The following RDH13 variants were observed in gnomAD, a reference collection of about 807,000 sequenced individuals.
The protein encoded by RDH13 is retinol dehydrogenase 13 (all-trans and 9-cis).
In RDH13, 35 loss-of-function variants were observed where a neutral mutation model predicts 28.3. The observed-to-expected ratio is 1.24, with a 90% CI of 0.95 to 1.64. The LOEUF is 1.64. Ranked by LOEUF, RDH13 falls within the 40% of genes most tolerant of loss-of-function variation. The probability of loss-of-function intolerance (pLI) is 0.00; values close to 1 mark genes in which losing one functional copy is unlikely to be tolerated. For missense variants in RDH13, 514 were observed against 446.3 expected (o/e 1.15, Z -1.37); for synonymous variants, 229 against 198.5 (o/e 1.15, Z -1.29).
intron 2 of RDH13, among the ~76,000 whole-genome samples, chr19:55,057,118 A>G (rs1317263177): frequency 6.6e-6 from 1 of 152,188 alleles, no homozygotes; most frequent in Non-Finnish European, 1.5e-5. Context: ...GAAAGACCAC[A>G]CAGCGTACAA....
chr19:55,054,570 A>G (rs2075568597), intron 3 of RDH13, among the ~76,000 whole-genome samples: 1 of 152,016 alleles, frequency 6.6e-6, no homozygotes, highest in South Asian at 2.1e-4. Context: ...TGGGTGACAG[A>G]GCAAGACTCC....
chr19:55,045,974 G>A (rs920817704), intron 6 of RDH13, among the ~76,000 whole-genome samples: 31 of 141,800 alleles, frequency 2.2e-4, no homozygotes, highest in African/African-American at 7.1e-4. Context: ...AGGGCTGGGC[G>A]TGGTGACTCA....
At chr19:55,044,280 C>T (rs2075124028), downstream of RDH13, 1 of 152,096 alleles carries the variant, frequency 6.6e-6, no homozygotes, top group Non-Finnish European at 1.5e-5. Flanking sequence ...GGGCATTCAC[C>T]CATGCACAGA....
In RDH13 at chr19:55,059,205, C is replaced by T. The variant is rs772801401; in HGVS notation, c.136G>A (p.Ala46Thr). 1.1e-5 allele frequency: 17 copies of T among 1,604,366 alleles called. No individual in the cohort carries two copies. The East Asian group carries it at 1.8e-4, about 17-fold the overall frequency. The change falls in exon 2 of 7, where the codon GCC becomes ACC. Residue 46 changes from alanine to threonine, a missense_variant. Physicochemically the swap from Ala to Thr is moderately conservative, Grantham distance 58. Transcript: ENST00000415061. ...IPGKTVIVTGANTGIGKQTAL... is the reference protein window; with the variant it reads ...IPGKTVIVTGTNTGIGKQTAL... ...GTCTGCTTCCCGATGCCTGTGTTGG[C>T]ACCCGTCACGATGACCGTCTTCCCA...
intron 1 of RDH13, among the ~76,000 whole-genome samples, chr19:55,068,222 TC>T (rs1317338368): frequency 3.9e-5 from 6 of 152,036 alleles, no homozygotes; most frequent in Non-Finnish European, 1.5e-5. Context: ...TTGAGAGACC[TC>T]AGCAGTGTAA....
intron 3 of RDH13, among the ~76,000 whole-genome samples, chr19:55,051,990 C>G (rs2075455830): frequency 6.6e-6 from 1 of 151,880 alleles, no homozygotes; most frequent in Non-Finnish European, 1.5e-5. Context: ...CCTCGGCCTC[C>G]CAAAGTGCTG....
At chr19:55,049,301 G>A (rs367692262) in intron 3 of RDH13, among the ~76,000 whole-genome samples, 1 of 152,266 alleles carries the variant, frequency 6.6e-6, no homozygotes, top group African/African-American at 2.4e-5. Flanking sequence ...GGTTACCGGT[G>A]GGAGCCCCGG....
chr19:55,045,017 C>A lies in RDH13; in HGVS notation c.*57G>T. 1.5e-6 allele frequency: 2 copies of A among 1,316,052 alleles called. No homozygotes were observed. The highest frequency in any genetic ancestry group is 2.3e-5 in the East Asian group (1 of 42,974). The allele number at this position is 1,316,052 out of a possible 1,614,324, so 81.5% of individuals were successfully genotyped here. On this transcript the variant is annotated 3_prime_UTR_variant, in exon 7 of 7. Transcript: ENST00000415061. ...TAGTGCCAGGAAGCTGCGGGCATGG[C>A]GGACAGCTGTCCTCGGTCTGGAGGC...
intron 5 of RDH13, chr19:55,047,908 G>A (rs780654429): frequency 1.1e-5 from 6 of 542,840 alleles, no homozygotes; most frequent in South Asian, 6.1e-5. Context: ...GGGCCATCCC[G>A]TGCGCTGTAG....
chr19:55,039,197 G>A (rs2146944443), exon 3 of RDH13: 1 of 152,288 alleles, frequency 6.6e-6, no homozygotes, highest in East Asian at 1.9e-4. Flanking sequence ...AACAACATGT[G>A]GTATATACAC....
rs775090598 is a variant in RDH13 at position 55,048,767 on chromosome 19, G to A, written c.341-4C>T. The A allele has an allele frequency of 1.9e-6, 3 of 1,612,828 alleles. No homozygotes were observed. Among genetic ancestry groups the A allele is most frequent in the Admixed American group, 3.3e-5 (2 of 59,968 alleles). On this transcript the variant is annotated splice_polypyrimidine_tract_variant and splice_region_variant and intron_variant, in intron 3 of 6. Coordinates refer to ENST00000415061, the MANE Select transcript of RDH13 (RefSeq NM_001145971.2). ...AGAATGTCCACTCGCTCCTCCTCTG[G>A]AAGAGAGGGGTGGAGGAGGAGACAT...
Position 55,045,040 on chromosome 19 carries a change from G to GGTA in RDH13, c.*33_*34insTAC. The GGTA allele has an allele frequency of 6.8e-7, 1 of 1,480,898 alleles. No homozygotes were observed. Among genetic ancestry groups the GGTA allele is most frequent in the Non-Finnish European group, 9.2e-7 (1 of 1,085,678 alleles). The allele number at this position is 1,480,898 out of a possible 1,614,324, so 91.7% of individuals were successfully genotyped here. On this transcript the variant is annotated 3_prime_UTR_variant, in exon 7 of 7. Coordinates refer to ENST00000415061, the MANE Select transcript of RDH13 (RefSeq NM_001145971.2). ...GGCGGACAGCTGTCCTCGGTCTGGA[G>GGTA]GCGCCATCCTGGCTTTCAAATCTGC...
chr19:55,057,327 A>G lies in RDH13; in HGVS notation c.185-519T>C, dbSNP rs191342879. The stretch of plus-strand genomic sequence containing the variant: ...TAAGATTGATTTTAAAGATGGTTGC[A>G]TCATTCTGTGACTATACTAAACATC... On this transcript the variant is annotated intron_variant, in intron 2 of 6. Coordinates refer to ENST00000415061, the MANE Select transcript of RDH13 (RefSeq NM_001145971.2). Among the ~76,000 whole-genome samples the G allele has an allele frequency of 9.2e-5, 14 of 152,258 alleles. No homozygotes were observed. In the East Asian group the frequency reaches 1.9e-3, roughly 21 times the overall value.
At chr19:55,061,768 G>A (rs2075813551) in intron 1 of RDH13, among the ~76,000 whole-genome samples, 1 of 150,420 alleles carries the variant, frequency 6.6e-6, no homozygotes, top group South Asian at 2.1e-4. Flanking sequence ...ACTCCAGCCT[G>A]GGTGACAGAG....
At chr19:55,049,180 C>T (rs565254645) in intron 3 of RDH13, among the ~76,000 whole-genome samples, 7 of 152,282 alleles carry the variant, frequency 4.6e-5, no homozygotes, top group African/African-American at 1.7e-4. Context: ...GTGTAAGCCA[C>T]TGGGTTTGCA....
chr19:55,052,454 G>T (rs1338974199), intron 3 of RDH13, among the ~76,000 whole-genome samples: 1 of 150,632 alleles, frequency 6.6e-6, no homozygotes, highest in Admixed American at 6.6e-5. Context: ...TGAGGCAGGA[G>T]AATCACTTGA....
At chr19:55,064,019 C>T (rs950163504), upstream of RDH13, 4 of 152,222 alleles carry the variant, frequency 2.6e-5, no homozygotes, top group African/African-American at 9.6e-5. Context: ...GGGAAGAATT[C>T]AACCCAATCT....
intron 3 of RDH13, among the ~76,000 whole-genome samples, chr19:55,051,664 G>A (rs1242381394): frequency 6.6e-6 from 1 of 151,404 alleles, no homozygotes; most frequent in African/African-American, 2.4e-5. Context: ...TCTTCACCTC[G>A]TGATCCACCC....
intron 1 of RDH13, among the ~76,000 whole-genome samples, chr19:55,060,543 T>TG (rs1218385361): frequency 3.9e-5 from 6 of 152,178 alleles, no homozygotes; most frequent in African/African-American, 7.2e-5. Flanking sequence ...CAGAGGCCGG[T>TG]GCCGGTGCAG....
Sources: allele counts gnomAD v4.1 joint callset (sites outside exome capture counted in the v4.1 genomes callset), GRCh38; gene constraint gnomAD v4.1.1; transcripts MANE v1.5; gene names NCBI Gene and HGNC (gene_info 2026-07-23, HGNC 2026-07-21).